Variants in CSMD3 observed in about 807,000 individuals in gnomAD.
CSMD3 encodes the protein CUB and sushi domain-containing protein 3.
In CSMD3, 177 loss-of-function variants were observed where a neutral mutation model predicts 435.2. The ratio of observed to expected loss-of-function variants is 0.41; its 90% CI spans 0.36 to 0.46. The LOEUF is 0.46. Among genes scored for constraint, CSMD3 ranks in the 20% least tolerant of loss-of-function variants. The pLI is 0.34. For missense variants in CSMD3, 4,265 were observed against 4,504.6 expected, an observed-to-expected ratio of 0.95 and a Z score of 1.52; for synonymous variants, 1,656 against 1,520.5, an observed-to-expected ratio of 1.09 and a Z score of -2.07.
chr8:112,303,114 G>C (rs975508518), intron 52 of CSMD3, among the ~76,000 whole-genome samples: 3 of 152,022 alleles, frequency 2.0e-5, no homozygotes, highest in Non-Finnish European at 4.4e-5. Flanking sequence ...TTCTGTTGTA[G>C]ATAATAATTA....
At chr8:112,298,134 G>T (rs1820524771) in intron 53 of CSMD3, among the ~76,000 whole-genome samples, 1 of 139,856 alleles carries the variant, frequency 7.2e-6, no homozygotes, top group South Asian at 2.3e-4. Context: ...TGGATCACAA[G>T]ACTCAATGTT....
chr8:112,988,647 T>G (rs2085339578), intron 6 of CSMD3, among the ~76,000 whole-genome samples: 1 of 152,032 alleles, frequency 6.6e-6, no homozygotes. Flanking sequence ...GGTTCCTAAC[T>G]TTTACCAACA....
chr8:113,322,696 T>C (rs531417018), intron 1 of CSMD3, among the ~76,000 whole-genome samples: 3 of 152,210 alleles, frequency 2.0e-5, no homozygotes, highest in Non-Finnish European at 4.4e-5. Context: ...TTTTGCCATA[T>C]TGACATTTTC....
chr8:112,935,400 T>C (rs1008696790), intron 9 of CSMD3, among the ~76,000 whole-genome samples: 1 of 152,228 alleles, frequency 6.6e-6, no homozygotes, highest in Admixed American at 6.5e-5. Context: ...TTCATGTGAA[T>C]TTTAAGGTTT....
chr8:112,824,407 T>A (rs909962144), intron 12 of CSMD3, among the ~76,000 whole-genome samples: 2 of 152,222 alleles, frequency 1.3e-5, no homozygotes, highest in Non-Finnish European at 2.9e-5. Context: ...TCATTTGGTC[T>A]TCATATTTTG....
chr8:112,265,429 C>T lies in CSMD3; in HGVS notation c.9670G>A (p.Val3224Ile), dbSNP rs111781086. ...TCTINGTWSG[V>I]MPTCRAVTCP... ...ATCATACCTCTACAAGTTGGCATTA[C>T]TCCACTCCATGTGCCATTAATTGTA... Residue 3224 changes from valine to isoleucine, a missense_variant, in exon 60 of 71, where the codon GTA becomes ATA. Physicochemically the swap from Val to Ile is conservative, Grantham distance 29. Around this residue, in one of 3 missense-constraint regions of CSMD3, gnomAD observed 3,255 missense variants for 3,380.2 expected, o/e 0.96. Transcript: ENST00000297405. The T allele has an allele frequency of 8.1e-6, 13 of 1,613,056 alleles. No individual in the cohort carries two copies. The African/African-American group carries it at 1.2e-4, about 15-fold the overall frequency.
At chr8:112,798,861 G>C (rs2078891550) in intron 13 of CSMD3, among the ~76,000 whole-genome samples, 1 of 151,850 alleles carries the variant, frequency 6.6e-6, no homozygotes. Flanking sequence ...TAGCCATTTA[G>C]AGGGAGAAGG....
chr8:112,331,929 T>C (rs1586791961), intron 45 of CSMD3, among the ~76,000 whole-genome samples: 2 of 152,086 alleles, frequency 1.3e-5, no homozygotes, highest in Non-Finnish European at 2.9e-5. Flanking sequence ...ATTGAGCTTA[T>C]AGCTCAAATT....
At chr8:113,359,688 G>A (rs757578153) in intron 1 of CSMD3, among the ~76,000 whole-genome samples, 3 of 152,254 alleles carry the variant, frequency 2.0e-5, no homozygotes, top group Non-Finnish European at 4.4e-5. Context: ...CTCATAATGC[G>A]TATTGGTTGT....
chr8:112,309,196 A>G (rs1250213862), intron 50 of CSMD3, among the ~76,000 whole-genome samples: 1 of 152,032 alleles, frequency 6.6e-6, no homozygotes, highest in Non-Finnish European at 1.5e-5. Flanking sequence ...ATATTCAATG[A>G]AATTGTAGCA....
chr8:113,089,322 G>C, intron 5 of CSMD3, among the ~76,000 whole-genome samples: 1 of 152,066 alleles, frequency 6.6e-6, no homozygotes, highest in East Asian at 1.9e-4. Flanking sequence ...GTCATTTTTA[G>C]CCAATCACTT....
At position 112,237,269 on chromosome 8, in the gene CSMD3, T is replaced by G; in HGVS notation, c.10548A>C (p.Leu3516Phe). Residue 3516 changes from leucine (L) to phenylalanine (F), a missense_variant, in exon 67 of 71, where the codon TTA becomes TTC. Around this residue, in one of 3 missense-constraint regions of CSMD3, gnomAD observed 3,255 missense variants for 3,380.2 expected, o/e 0.96. Transcript: ENST00000297405. The stretch of plus-strand genomic sequence containing the variant: ...TGGAAGCATTGAAACTAGTAACTGT[T>G]AAGGTCATGGGTTGTTTCCTTCCTT... ...NFKGRKQPMT[L>F]TVTSFNASTG... The G allele has an allele frequency of 6.2e-7, 1 of 1,613,526 alleles. No homozygotes were observed. The highest frequency in any genetic ancestry group is 1.1e-5 in the South Asian group (1 of 91,078).
rs186322138 is a variant in CSMD3, at chr8:112,989,363, C to G, written c.1031-13215G>C. On this transcript the variant is annotated intron_variant, in intron 6 of 70. Coordinates refer to ENST00000297405, the MANE Select transcript of CSMD3 (RefSeq NM_198123.2). ...CACTTTATTTCTCTATACTATGTTC[C>G]ACAGTCTCTTGTGTCCTATGTTTCT... Among the ~76,000 whole-genome samples, 3 of 151,968 alleles carry G rather than the reference C, an allele frequency of 2.0e-5. No individual in the cohort carries two copies. The South Asian group carries it at 6.2e-4, about 32-fold the overall frequency.
intron 35 of CSMD3, among the ~76,000 whole-genome samples, chr8:112,404,072 G>C (rs1831559509): frequency 6.6e-6 from 1 of 152,064 alleles, no homozygotes; most frequent in Non-Finnish European, 1.5e-5. Flanking sequence ...GTTGGGGTGG[G>C]AGTGGCGATA....
At chr8:112,598,098 T>G (rs928498229) in intron 22 of CSMD3, among the ~76,000 whole-genome samples, 5 of 148,736 alleles carry the variant, frequency 3.4e-5, no homozygotes, top group African/African-American at 1.3e-4. Flanking sequence ...GCAGATGACA[T>G]GATTGTATAT....
intron 5 of CSMD3, among the ~76,000 whole-genome samples, chr8:113,070,597 C>A (rs2131401950): frequency 6.6e-6 from 1 of 152,028 alleles, no homozygotes; most frequent in East Asian, 1.9e-4. Flanking sequence ...CTTTGACCAA[C>A]AACTCCCAAT....
chr8:112,292,744 A>G (rs1819892508), intron 54 of CSMD3, 34 bp from the exon 55 acceptor site: 1 of 1,582,494 alleles, frequency 6.3e-7, no homozygotes, highest in Non-Finnish European at 8.7e-7. Context: ...AGGGAAGGAA[A>G]CACAGAAAAA....
intron 1 of CSMD3, among the ~76,000 whole-genome samples, chr8:113,358,279 CAAAG>C (rs1339878399): frequency 2.6e-5 from 4 of 152,242 alleles, no homozygotes; most frequent in South Asian, 2.1e-4. Context: ...GGATTTAAAA[CAAAG>C]AAATACTACA....
At chr8:112,239,773 T>C (rs1459647684) in intron 66 of CSMD3, among the ~76,000 whole-genome samples, 6 of 152,084 alleles carry the variant, frequency 3.9e-5, no homozygotes, top group African/African-American at 1.4e-4. Flanking sequence ...TATGCTCACA[T>C]TTTCTTTGTT....
Sources: gnomAD v4.1 joint callset for allele counts (sites outside exome capture counted in the v4.1 genomes callset) on GRCh38, gnomAD v4.1.1 for gene constraint, gnomAD v4.1.1 regional missense constraint, MANE v1.5 for transcripts, NCBI Gene and HGNC (gene_info 2026-07-23, HGNC 2026-07-21) for gene names.